Variants in ZMAT4 observed in about 807,000 individuals in gnomAD.
The protein encoded by ZMAT4 is zinc finger matrin-type protein 4.
ZMAT4 carries 17 observed loss-of-function variants against 28.7 expected under a neutral mutation model. The observed-to-expected ratio is 0.59, with a 90% CI of 0.41 to 0.89. The LOEUF (loss-of-function observed/expected upper bound fraction) is 0.89, where lower values mean the gene tolerates loss of function less well. Ranked by LOEUF, ZMAT4 falls within the 40% of genes least tolerant of loss-of-function variation. The pLI is 0.00. For missense variants in ZMAT4, 240 were observed against 283.8 expected (o/e 0.85, Z 1.11); for synonymous variants, 117 against 109.2 (o/e 1.07, Z -0.44).
chr8:40,545,352 G>A (rs1803167488), intron 6 of ZMAT4, among the ~76,000 whole-genome samples: 1 of 152,118 alleles, frequency 6.6e-6, no homozygotes, highest in African/African-American at 2.4e-5. Flanking sequence ...GTTGTTTGAA[G>A]CCACTAAGTT....
chr8:40,534,184 G>T (rs1212153941), intron 6 of ZMAT4, among the ~76,000 whole-genome samples: 1 of 152,032 alleles, frequency 6.6e-6, no homozygotes, highest in Non-Finnish European at 1.5e-5. Flanking sequence ...TAATTATTCA[G>T]ATCCTTTCTG....
At chr8:40,532,273 T>G (rs1239277073) in intron 6 of ZMAT4, 35 bp from the exon 7 acceptor site, 2 of 1,561,706 alleles carry the variant, frequency 1.3e-6, no homozygotes, top group Middle Eastern at 1.7e-4. Context: ...GTTACCTTCT[T>G]TCATAATTAC....
At chr8:40,541,254 A>C (rs1803018558) in intron 6 of ZMAT4, among the ~76,000 whole-genome samples, 1 of 152,204 alleles carries the variant, frequency 6.6e-6, no homozygotes, top group African/African-American at 2.4e-5. Context: ...AAACAGAGAC[A>C]GGGGACTGAA....
At chr8:40,656,210 T>C (rs1029192486) in intron 5 of ZMAT4, among the ~76,000 whole-genome samples, 3 of 152,092 alleles carry the variant, frequency 2.0e-5, no homozygotes, top group Admixed American at 6.6e-5. Context: ...ACAATCTCAT[T>C]AGCCATCAGG....
chr8:40,665,450 T>C (rs1585844692), intron 5 of ZMAT4, among the ~76,000 whole-genome samples: 1 of 152,170 alleles, frequency 6.6e-6, no homozygotes, highest in Non-Finnish European at 1.5e-5. Flanking sequence ...TCCAGCAGTA[T>C]GTCTTCTCTT....
chr8:40,859,431 G>A (rs540964829), intron 1 of ZMAT4, among the ~76,000 whole-genome samples: 1 of 151,846 alleles, frequency 6.6e-6, no homozygotes, highest in Non-Finnish European at 1.5e-5. Flanking sequence ...AATCCCTGCC[G>A]GTGGCAGTAG....
intron 1 of ZMAT4, among the ~76,000 whole-genome samples, chr8:40,862,275 A>T (rs1399800836): frequency 6.6e-6 from 1 of 151,934 alleles, no homozygotes; most frequent in Non-Finnish European, 1.5e-5. Flanking sequence ...TTGTAGGGAC[A>T]TGGATGAAGC....
intron 6 of ZMAT4, among the ~76,000 whole-genome samples, chr8:40,542,129 A>G (rs1803055793): frequency 6.6e-6 from 1 of 152,124 alleles, no homozygotes; most frequent in African/African-American, 2.4e-5. Flanking sequence ...TGAAGTTTGA[A>G]AAGAAGCACT....
At chr8:40,666,114 T>G in intron 5 of ZMAT4, among the ~76,000 whole-genome samples, 1 of 152,202 alleles carries the variant, frequency 6.6e-6, no homozygotes, top group East Asian at 1.9e-4. Flanking sequence ...TTTTATAATT[T>G]ACATTGCCAC....
At chr8:40,610,512 A>AT (rs897902894) in intron 5 of ZMAT4, among the ~76,000 whole-genome samples, 3 of 151,928 alleles carry the variant, frequency 2.0e-5, no homozygotes, top group Non-Finnish European at 1.5e-5. Flanking sequence ...ATATATATAT[A>AT]TATTTTCATT....
intron 4 of ZMAT4, among the ~76,000 whole-genome samples, chr8:40,695,146 T>G (rs1255635922): frequency 6.6e-6 from 1 of 152,230 alleles, no homozygotes; most frequent in Admixed American, 6.5e-5. Context: ...TGCATTTGGG[T>G]CTTCATTCTG....
intron 6 of ZMAT4, among the ~76,000 whole-genome samples, chr8:40,544,796 A>G (rs1311781599): frequency 6.6e-6 from 1 of 152,154 alleles, no homozygotes; most frequent in Non-Finnish European, 1.5e-5. Flanking sequence ...AACAAGCTCT[A>G]GTTTTCATGA....
chr8:40,877,284 T>C (rs1453462845), intron 1 of ZMAT4, among the ~76,000 whole-genome samples: 1 of 152,116 alleles, frequency 6.6e-6, no homozygotes, highest in Non-Finnish European at 1.5e-5. Flanking sequence ...CTGGAGACAA[T>C]AAATTTCTGT....
intron 1 of ZMAT4, among the ~76,000 whole-genome samples, chr8:40,876,072 T>C (rs1818031693): frequency 6.6e-6 from 1 of 152,126 alleles, no homozygotes; most frequent in Admixed American, 6.5e-5. Flanking sequence ...GAAAATAATG[T>C]GAATTGTGGA....
chr8:40,758,524 A>C (rs192970230), intron 3 of ZMAT4, among the ~76,000 whole-genome samples: 1 of 152,354 alleles, frequency 6.6e-6, no homozygotes, highest in African/African-American at 2.4e-5. Flanking sequence ...AAGGACCCTT[A>C]ACCATTCCTT....
chr8:40,674,420 TTAAAGA>T (rs1483010785), intron 5 of ZMAT4: 58 of 361,244 alleles, frequency 1.6e-4, no homozygotes, highest in African/African-American at 5.8e-4. Context: ...AAGAAGGCAG[TTAAAGA>T]TAAAGCAGAA....
intron 3 of ZMAT4, among the ~76,000 whole-genome samples, chr8:40,699,560 T>C (rs1318765398): frequency 1.3e-5 from 2 of 151,220 alleles, no homozygotes; most frequent in Non-Finnish European, 2.9e-5. Flanking sequence ...AACATAAGTG[T>C]CCATCAATAG....
intron 6 of ZMAT4, among the ~76,000 whole-genome samples, chr8:40,548,065 C>T (rs1803257000): frequency 6.6e-6 from 1 of 152,048 alleles, no homozygotes; most frequent in African/African-American, 2.4e-5. Context: ...CCACGGAGGT[C>T]TTCAAGGGGC....
At chr8:40,889,629 CTCTATT>C (rs1295414425) in intron 1 of ZMAT4, among the ~76,000 whole-genome samples, 3 of 152,108 alleles carry the variant, frequency 2.0e-5, no homozygotes, top group African/African-American at 7.2e-5. Flanking sequence ...TGCAATTATA[CTCTATT>C]TACTTTTAAG....
Sources: gnomAD v4.1 joint callset for allele counts (sites outside exome capture counted in the v4.1 genomes callset) on GRCh38, gnomAD v4.1.1 for gene constraint, MANE v1.5 for transcripts, NCBI Gene and HGNC (gene_info 2026-07-23, HGNC 2026-07-21) for gene names.